ZC3H7B: variants seen among roughly 807,000 people sequenced by gnomAD.
ZC3H7B encodes the protein zinc finger CCCH domain-containing protein 7B.
A neutral mutation model predicts 116.0 loss-of-function variants in ZC3H7B; 35 were observed. The ratio of observed to expected loss-of-function variants is 0.30; its 90% CI spans 0.23 to 0.40. The LOEUF (loss-of-function observed/expected upper bound fraction) is 0.40. Ranked by LOEUF, ZC3H7B falls within the 10% of genes least tolerant of loss-of-function variation. The pLI, the probability that ZC3H7B is intolerant of heterozygous loss-of-function variation, is 1.00. For synonymous variants in ZC3H7B, 502 were observed against 545.6 expected (o/e 0.92, Z 1.11); for missense variants, 1,011 against 1,321.5 (o/e 0.77, Z 3.64).
chr22:41,353,469 C>T (rs771978686), intron 17 of ZC3H7B, among the ~76,000 whole-genome samples: 8 of 152,254 alleles, frequency 5.3e-5, no homozygotes, highest in Non-Finnish European at 7.3e-5. Flanking sequence ...GTGCTCACAT[C>T]GTCCCCAGGT....
At chr22:41,323,591 G>C (rs561275789) in intron 2 of ZC3H7B, among the ~76,000 whole-genome samples, 4 of 152,202 alleles carry the variant, frequency 2.6e-5, no homozygotes, top group Admixed American at 1.3e-4. Flanking sequence ...CCCCGAAGCC[G>C]TCTGTTGGCC....
intron 7 of ZC3H7B, among the ~76,000 whole-genome samples, chr22:41,337,380 G>A (rs753414473): frequency 1.3e-5 from 2 of 151,724 alleles, no homozygotes; most frequent in Non-Finnish European, 2.9e-5. Flanking sequence ...GCCAGGCCCC[G>A]TTCTAAGCAC....
In ZC3H7B at chr22:41,322,976, C is replaced by G. The variant is rs1226491572; in HGVS notation, c.53+2263C>G. Among the ~76,000 whole-genome samples, 7 of 152,348 alleles carry G rather than the reference C, an allele frequency of 4.6e-5. No individual in the cohort carries two copies. The South Asian group carries it at 1.4e-3, about 32-fold the overall frequency. On this transcript the variant is annotated intron_variant, in intron 2 of 22. Transcript: ENST00000352645. ...ACCCATGTCACCGCAGACTGGGTCC[C>G]TTTTCACACGCCCTCGGTATCCATG...
chr22:41,309,038 G>GTTTT (rs2036083951), intron 1 of ZC3H7B, among the ~76,000 whole-genome samples: 1 of 77,452 alleles, frequency 1.3e-5, no homozygotes, highest in Non-Finnish European at 3.0e-5. Context: ...TTGAGACGGA[G>GTTTT]TTTCGCTCTG....
intron 2 of ZC3H7B, among the ~76,000 whole-genome samples, chr22:41,322,986 G>T (rs574604231): frequency 6.6e-6 from 1 of 152,090 alleles, no homozygotes; most frequent in Non-Finnish European, 1.5e-5. Context: ...CTTTTCACAC[G>T]CCCTCGGTAT....
At position 41,342,515 on chromosome 22, in the gene ZC3H7B, T is replaced by C; in HGVS notation, c.1198-14T>C. 5 of 1,612,042 alleles carry C rather than the reference T, an allele frequency of 3.1e-6. No homozygotes were observed. The highest frequency in any genetic ancestry group is 4.2e-6 in the Non-Finnish European group (5 of 1,179,718). On this transcript the variant is annotated splice_polypyrimidine_tract_variant and intron_variant, in intron 11 of 22. Coordinates refer to ENST00000352645, the MANE Select transcript of ZC3H7B (RefSeq NM_017590.6). The stretch of plus-strand genomic sequence containing the variant: ...CATCCAGTGCCCACAATGGCCTCCT[T>C]CCTCCTGTCACAGCCAGAGCCCTGC...
chr22:41,320,855 G>A, intron 2 of ZC3H7B, 142 bp downstream of exon 2: 1 of 1,152,370 alleles, frequency 8.7e-7, no homozygotes, highest in South Asian at 1.3e-5. Context: ...GCGGGCAGGT[G>A]GGAGGAGCCA....
intron 11 of ZC3H7B, among the ~76,000 whole-genome samples, chr22:41,341,700 GC>G (rs2036524958): frequency 6.6e-6 from 1 of 151,926 alleles, no homozygotes; most frequent in African/African-American, 2.4e-5. Flanking sequence ...CCGAGATCGC[GC>G]CACTGCATTC....
rs927782219 is a variant in ZC3H7B, at chr22:41,302,477, C to T, written c.-7+705C>T. On this transcript the variant is annotated intron_variant, in intron 1 of 22. Transcript: ENST00000352645. This position sits in a 1 kb window ranked among gnomAD's most constrained non-coding sequence, Gnocchi z 5.7. ...AGGCCTGTGGGAGGCCCGCGGCCGTCCAGGGAGTGCTAGGGGGCTGCGGAC... is the reference window on the plus strand; with the variant it reads ...AGGCCTGTGGGAGGCCCGCGGCCGTTCAGGGAGTGCTAGGGGGCTGCGGAC... 1.1e-4 allele frequency among the ~76,000 whole-genome samples: 16 copies of T among 152,100 alleles called. No individual in the cohort carries two copies. The highest frequency in any genetic ancestry group is 1.9e-4 in the Non-Finnish European group (13 of 67,986).
chr22:41,321,582 C>T (rs1444161619), intron 2 of ZC3H7B, among the ~76,000 whole-genome samples: 2 of 151,652 alleles, frequency 1.3e-5, no homozygotes, highest in Admixed American at 6.6e-5. Context: ...AACTCCTGGG[C>T]TCAAGTGATC....
chr22:41,343,215 G>A (rs1210744126), intron 12 of ZC3H7B, among the ~76,000 whole-genome samples, 200 bp from the exon 13 acceptor site: 4 of 152,122 alleles, frequency 2.6e-5, no homozygotes, highest in Non-Finnish European at 5.9e-5. Context: ...GGGCTCCTTC[G>A]AGGGGCTTCC....
At chr22:41,325,234 TG>T (rs2036302990) in intron 2 of ZC3H7B, among the ~76,000 whole-genome samples, 1 of 151,730 alleles carries the variant, frequency 6.6e-6, no homozygotes. Context: ...GGCTTGGGGC[TG>T]GGGCTGTCTG....
chr22:41,340,780 C>T (rs532388017), intron 10 of ZC3H7B, among the ~76,000 whole-genome samples: 1 of 152,200 alleles, frequency 6.6e-6, no homozygotes, highest in African/African-American at 2.4e-5. Flanking sequence ...GGCTGATGAG[C>T]GGAGCAGCTG....
rs951220703 is a variant in ZC3H7B, at chr22:41,346,287, A to G, written c.1665+79A>G. 1.0e-5 allele frequency: 15 copies of G among 1,503,824 alleles called. No individual in the cohort carries two copies. The highest frequency in any genetic ancestry group is 1.9e-5 in the Admixed American group (1 of 53,744). 93.2% of individuals were successfully genotyped at this position (1,503,824 alleles called of 1,614,324 possible). ...GGGATGCTCCCTGGCACGGACCACCATAGGAAGTCAGCCCTGGAACCCGTG... is the reference window on the plus strand; with the variant it reads ...GGGATGCTCCCTGGCACGGACCACCGTAGGAAGTCAGCCCTGGAACCCGTG... On this transcript the variant is annotated intron_variant, in intron 14 of 22. Coordinates refer to ENST00000352645, the MANE Select transcript of ZC3H7B (RefSeq NM_017590.6). The surrounding 1 kb of genome is among the most constrained non-coding windows in gnomAD (Gnocchi z 5.3).
chr22:41,331,276 C>T (rs913426259), intron 6 of ZC3H7B, among the ~76,000 whole-genome samples: 2 of 146,094 alleles, frequency 1.4e-5, no homozygotes, highest in African/African-American at 5.1e-5. Flanking sequence ...AAAGGCCGGG[C>T]GCGGTGGCTC....
intron 2 of ZC3H7B, among the ~76,000 whole-genome samples, chr22:41,321,738 G>A (rs1277079183): frequency 6.6e-6 from 1 of 151,490 alleles, no homozygotes; most frequent in African/African-American, 2.4e-5. Context: ...GAGACTCACA[G>A]AGGTTAAGCA....
intron 7 of ZC3H7B, chr22:41,332,428 G>C: frequency 1.6e-6 from 1 of 613,552 alleles, no homozygotes; most frequent in Non-Finnish European, 2.9e-6. Flanking sequence ...CCGGGGAGCC[G>C]CCGGGGGCAG....
chr22:41,310,422 A>G (rs2036102823), intron 1 of ZC3H7B, among the ~76,000 whole-genome samples: 1 of 152,146 alleles, frequency 6.6e-6, no homozygotes, highest in Non-Finnish European at 1.5e-5. Context: ...AGTGTGGGAC[A>G]GTGCTGGGAT....
At chr22:41,321,261 G>A (rs1343463534) in intron 2 of ZC3H7B, among the ~76,000 whole-genome samples, 1 of 150,304 alleles carries the variant, frequency 6.7e-6, no homozygotes, top group Non-Finnish European at 1.5e-5. Flanking sequence ...TGTTGCCCAG[G>A]CTGGAGTGCA....
Sources: gnomAD v4.1 joint callset for allele counts (sites outside exome capture counted in the v4.1 genomes callset) on GRCh38, gnomAD v4.1.1 for gene constraint, Gnocchi (gnomAD v3.1) non-coding constraint, MANE v1.5 for transcripts, NCBI Gene and HGNC (gene_info 2026-07-23, HGNC 2026-07-21) for gene names.